Variants in CLDN10 observed in about 807,000 individuals in gnomAD.
CLDN10 encodes the protein claudin-10.
In CLDN10, 15 loss-of-function variants were observed where a neutral mutation model predicts 22.9. The observed-to-expected ratio is 0.65, with a 90% confidence interval of 0.44 to 1.01. CLDN10 has a LOEUF of 1.01. Among genes scored for constraint, CLDN10 ranks in the 50% least tolerant of loss-of-function variants. CLDN10 has a pLI of 0.00. For missense variants in CLDN10, 247 were observed against 287.8 expected (o/e 0.86, Z 1.03); for synonymous variants, 114 against 111.4 (o/e 1.02, Z -0.15).
intron 1 of CLDN10, among the ~76,000 whole-genome samples, chr13:95,495,372 T>C (rs1187653620): frequency 6.6e-6 from 1 of 152,002 alleles, no homozygotes; most frequent in African/African-American, 2.4e-5. Context: ...TATTGGGTAT[T>C]ACCAGGACTA....
At chr13:95,533,402 A>T (rs2043367304) in intron 1 of CLDN10, among the ~76,000 whole-genome samples, 1 of 152,166 alleles carries the variant, frequency 6.6e-6, no homozygotes, top group South Asian at 2.1e-4. Context: ...GGGAAAACAA[A>T]AGTAGATTTT....
At chr13:95,563,203 AAG>A (rs1292127403) in intron 3 of CLDN10, among the ~76,000 whole-genome samples, 4 of 142,228 alleles carry the variant, frequency 2.8e-5, no homozygotes, top group Admixed American at 1.4e-4. Flanking sequence ...TGTGAGAGTT[AAG>A]AGAGGAGAGA....
intron 1 of CLDN10, among the ~76,000 whole-genome samples, chr13:95,461,417 G>A (rs763672158): frequency 5.9e-5 from 9 of 152,282 alleles, no homozygotes; most frequent in Admixed American, 1.3e-4. Flanking sequence ...TATGCTAAAA[G>A]TCACTTTACC....
chr13:95,575,820 G>A (rs1275424189), intron 3 of CLDN10, among the ~76,000 whole-genome samples: 3 of 152,200 alleles, frequency 2.0e-5, no homozygotes, highest in Admixed American at 6.5e-5. Flanking sequence ...AAGGGTCACA[G>A]AGCAGCATTT....
intron 1 of CLDN10, among the ~76,000 whole-genome samples, chr13:95,441,277 A>T (rs1013820506): frequency 6.6e-6 from 1 of 152,154 alleles, no homozygotes; most frequent in Non-Finnish European, 1.5e-5. Context: ...CCTTTTTGAG[A>T]CAGGGTCTTG....
At chr13:95,434,284 G>A (rs1023332830) in intron 1 of CLDN10, among the ~76,000 whole-genome samples, 2 of 152,078 alleles carry the variant, frequency 1.3e-5, no homozygotes, top group African/African-American at 4.8e-5. Context: ...TACCCAGTGT[G>A]ACTCCAAAGG....
chr13:95,534,680 TTTTGATAAGAACATG>T (rs1484443786), intron 1 of CLDN10, among the ~76,000 whole-genome samples: 2 of 152,158 alleles, frequency 1.3e-5, no homozygotes, highest in Non-Finnish European at 2.9e-5. Context: ...TAGTGCATCA[TTTTGATAAGAACATG>T]TGTTTTGGAT....
chr13:95,570,816 AT>A (rs1458938279), intron 3 of CLDN10, among the ~76,000 whole-genome samples: 1 of 142,634 alleles, frequency 7.0e-6, no homozygotes, highest in Non-Finnish European at 1.5e-5. Flanking sequence ...TAATTTAAAA[AT>A]GTATATATAT....
chr13:95,465,189 T>C (rs1459614818), intron 1 of CLDN10, among the ~76,000 whole-genome samples: 1 of 152,170 alleles, frequency 6.6e-6, no homozygotes, highest in East Asian at 1.9e-4. Context: ...TAGAAGCCCC[T>C]TATTAAACCA....
chr13:95,527,999 A>G (rs780584659), intron 1 of CLDN10, among the ~76,000 whole-genome samples: 1 of 152,170 alleles, frequency 6.6e-6, no homozygotes, highest in Non-Finnish European at 1.5e-5. Context: ...CTGTGCTGTG[A>G]TCTGACAGCA....
intron 1 of CLDN10, among the ~76,000 whole-genome samples, chr13:95,539,467 T>C (rs370231889): frequency 5.3e-5 from 8 of 152,186 alleles, no homozygotes; most frequent in African/African-American, 1.4e-4. Context: ...TTTGCTATAT[T>C]CATTGGAGTA....
intron 1 of CLDN10, among the ~76,000 whole-genome samples, chr13:95,471,453 ATTT>A (rs1555289822): frequency 1.9e-5 from 2 of 106,404 alleles, no homozygotes; most frequent in African/African-American, 4.0e-5. Context: ...ATATATATAT[ATTT>A]TTTTTTTTTT....
intron 1 of CLDN10, among the ~76,000 whole-genome samples, chr13:95,547,033 G>C (rs1344661592): frequency 5.3e-5 from 8 of 150,012 alleles, no homozygotes; most frequent in Admixed American, 4.8e-4. Context: ...TGGGACTACA[G>C]GCGGCTGGCT....
At chr13:95,515,180 TTTGTTGTTG>T (rs146017884) in intron 1 of CLDN10, among the ~76,000 whole-genome samples, 393 of 150,712 alleles carry the variant, frequency 2.6e-3, no homozygotes, top group African/African-American at 9.4e-3. Flanking sequence ...GCTAATTACG[TTTGTTGTTG>T]TTGTTGTTGT....
chr13:95,456,463 C>T (rs1346501944), intron 1 of CLDN10, among the ~76,000 whole-genome samples: 2 of 152,060 alleles, frequency 1.3e-5, no homozygotes, highest in African/African-American at 4.8e-5. Context: ...CTTCATGCAA[C>T]AAAAATCAGC....
upstream of CLDN10, chr13:95,552,716 G>A (rs777086974): frequency 1.3e-6 from 2 of 1,583,336 alleles, no homozygotes; most frequent in Admixed American, 1.7e-5. Flanking sequence ...GCGGCGCAGA[G>A]TGGGAGCCGG....
In CLDN10 at chr13:95,552,972, C is replaced by A. The variant is rs1010607066; in HGVS notation, c.219C>A (p.Asp73Glu). 1.2e-6 allele frequency: 2 copies of A among 1,613,628 alleles called. No homozygotes were observed. Among genetic ancestry groups the A allele is most frequent in the South Asian group, 1.1e-5 (1 of 91,050 alleles). Reference protein sequence around the residue: ...CKDFPSMLALDGYIQACRGLM... With the variant: ...CKDFPSMLALEGYIQACRGLM... ...ACTTCCCCTCCATGCTGGCGCTGGA[C>A]GGTCTGCATCCCCGCGGCCCCCGCC... Residue 73 changes from aspartate to glutamate, a missense_variant and splice_region_variant, in exon 1 of 5, where the codon GAC (aspartate) becomes GAA (glutamate). By Grantham distance (45) the Asp-to-Glu change is conservative (BLOSUM62 2). Coordinates refer to ENST00000299339, the MANE Select transcript of CLDN10 (RefSeq NM_006984.5).
At position 95,560,373 on chromosome 13, in the gene CLDN10, A is replaced by G; in HGVS notation, c.383-9A>G. 1 of 1,613,734 alleles carries G rather than the reference A, an allele frequency of 6.2e-7. No individual in the cohort carries two copies. Among genetic ancestry groups the G allele is most frequent in the East Asian group, 2.2e-5 (1 of 44,872 alleles). ...CTAACCATAGTGCTTTCCCTCTAAT[A>G]TTTGTTAGGGCTGTGCTCAATGACT... On this transcript the variant is annotated splice_polypyrimidine_tract_variant and intron_variant, in intron 2 of 4. Transcript: ENST00000299339.
chr13:95,567,724 G>C (rs985230761), intron 3 of CLDN10, among the ~76,000 whole-genome samples: 3 of 152,134 alleles, frequency 2.0e-5, no homozygotes, highest in African/African-American at 7.2e-5. Flanking sequence ...ATGCTTCCAG[G>C]TTTGCCCATT....
Sources: gnomAD v4.1 joint callset for allele counts (sites outside exome capture counted in the v4.1 genomes callset) on GRCh38, gnomAD v4.1.1 for gene constraint, MANE v1.5 for transcripts, NCBI Gene and HGNC (gene_info 2026-07-23, HGNC 2026-07-21) for gene names.